The following MGAT4C variants were observed in gnomAD, a reference collection of about 807,000 sequenced individuals.
The protein encoded by MGAT4C is alpha-1,3-mannosyl-glycoprotein 4-beta-N-acetylglucosaminyltransferase C.
MGAT4C carries 19 observed loss-of-function variants against 40.1 expected under a neutral mutation model. That is an observed-to-expected ratio of 0.47 (90% CI 0.33 to 0.70). The LOEUF (loss-of-function observed/expected upper bound fraction) is 0.70. MGAT4C is among the 30% of genes least tolerant of loss of function. The probability of loss-of-function intolerance (pLI) is 0.02; values close to 1 mark genes in which losing one functional copy is unlikely to be tolerated. For synonymous variants in MGAT4C, 181 were observed against 187.1 expected, an observed-to-expected ratio of 0.97 and a Z score of 0.27; for missense variants, 491 against 563.2, an observed-to-expected ratio of 0.87 and a Z score of 1.30.
intron 1 of MGAT4C, among the ~76,000 whole-genome samples, chr12:86,753,799 A>G (rs1951260182): frequency 6.6e-6 from 1 of 152,102 alleles, no homozygotes; most frequent in South Asian, 2.1e-4. Flanking sequence ...TGCAAATTAA[A>G]CCACAGAGAG....
intron 2 of MGAT4C, among the ~76,000 whole-genome samples, chr12:86,535,748 T>C (rs893904651): frequency 2.6e-5 from 4 of 152,094 alleles, no homozygotes; most frequent in African/African-American, 9.6e-5. Flanking sequence ...AATACCTACA[T>C]AAATTGTTCC....
intron 1 of MGAT4C, among the ~76,000 whole-genome samples, chr12:86,119,749 A>C (rs1402330423): frequency 6.7e-6 from 1 of 148,542 alleles, no homozygotes; most frequent in Non-Finnish European, 1.5e-5. Context: ...TTTTAATAGA[A>C]ATAGGAGTCT....
At chr12:86,302,528 A>C (rs1037491431) in intron 4 of MGAT4C, among the ~76,000 whole-genome samples, 1 of 150,380 alleles carries the variant, frequency 6.6e-6, no homozygotes, top group Non-Finnish European at 1.5e-5. Flanking sequence ...TCCCGGGCTA[A>C]AGCGATTCTC....
At chr12:86,767,935 C>G (rs1951546391) in intron 1 of MGAT4C, among the ~76,000 whole-genome samples, 1 of 152,172 alleles carries the variant, frequency 6.6e-6, no homozygotes, top group South Asian at 2.1e-4. Context: ...AAACTGGAAG[C>G]ATTCCCTTTG....
chr12:86,403,630 G>T (rs563860792), intron 3 of MGAT4C, among the ~76,000 whole-genome samples: 7 of 151,954 alleles, frequency 4.6e-5, no homozygotes, highest in Non-Finnish European at 1.0e-4. Context: ...TGAAATTTTC[G>T]CTCTTTTAAG....
intron 2 of MGAT4C, among the ~76,000 whole-genome samples, chr12:86,009,089 A>G (rs1474996126): frequency 6.6e-6 from 1 of 152,132 alleles, no homozygotes; most frequent in Non-Finnish European, 1.5e-5. Context: ...TGCCAATCTC[A>G]GAGAAACCTT....
chr12:86,319,228 A>G (rs886578731), intron 4 of MGAT4C, among the ~76,000 whole-genome samples: 5 of 152,208 alleles, frequency 3.3e-5, no homozygotes, highest in African/African-American at 9.6e-5. Flanking sequence ...CAAATCATGC[A>G]TAATTTCATA....
chr12:86,572,811 C>T (rs982662062), intron 2 of MGAT4C, among the ~76,000 whole-genome samples: 2 of 152,012 alleles, frequency 1.3e-5, no homozygotes, highest in Non-Finnish European at 2.9e-5. Context: ...CTGAAGCACA[C>T]ATCAATTATC....
intron 1 of MGAT4C, among the ~76,000 whole-genome samples, chr12:86,169,780 A>T (rs1045028113): frequency 2.0e-5 from 3 of 152,160 alleles, no homozygotes; most frequent in African/African-American, 7.2e-5. Context: ...TTGAGGGGAA[A>T]ACTGGAGTAT....
intron 4 of MGAT4C, among the ~76,000 whole-genome samples, chr12:86,322,536 G>C (rs974956252): frequency 6.6e-6 from 1 of 151,814 alleles, no homozygotes; most frequent in African/African-American, 2.4e-5. Context: ...AGCCAATTCA[G>C]TATTATATTT....
At chr12:86,665,185 A>T (rs1000924242) in intron 2 of MGAT4C, among the ~76,000 whole-genome samples, 5 of 152,108 alleles carry the variant, frequency 3.3e-5, no homozygotes, top group Non-Finnish European at 7.4e-5. Context: ...AGCCCACAGC[A>T]TAAGTAGTGT....
intron 2 of MGAT4C, among the ~76,000 whole-genome samples, chr12:86,643,369 T>C (rs889028633): frequency 6.6e-5 from 10 of 151,780 alleles, no homozygotes; most frequent in African/African-American, 2.4e-4. Context: ...TGAAAACATA[T>C]GCAAACACAA....
rs139869300 is a variant in MGAT4C at position 86,798,606 on chromosome 12, T to C, written c.-262+40060A>G. On this transcript the variant is annotated intron_variant, in intron 1 of 7. Transcript: ENST00000548651. ...ATTCCATATTATTTATCAATCTTTG[T>C]CTTTGTATACAATTTTGCAGGTGCT... is the stretch of plus-strand genomic sequence containing the variant. 1.1e-4 allele frequency among the ~76,000 whole-genome samples: 16 copies of C among 152,102 alleles called. No individual in the cohort carries two copies. The East Asian group carries it at 3.1e-3, about 29-fold the overall frequency.
At position 86,661,177 on chromosome 12, in the gene MGAT4C, GA is replaced by G. The variant is rs1963971599; in HGVS notation, c.-229+66031del. ...CACAGTTGTGTTGATATTTATAAAG[GA>G]AAAAAATGTAAAGAAAACAAAAAGA... On this transcript the variant is annotated intron_variant, in intron 2 of 7. Transcript: ENST00000548651. Among the ~76,000 whole-genome samples the G allele has an allele frequency of 2.0e-5, 3 of 150,146 alleles. No homozygotes were observed. In the South Asian group the frequency reaches 6.3e-4, roughly 32 times the overall value.
At chr12:86,371,150 A>G (rs1462528627) in intron 3 of MGAT4C, among the ~76,000 whole-genome samples, 1 of 151,970 alleles carries the variant, frequency 6.6e-6, no homozygotes, top group Non-Finnish European at 1.5e-5. Context: ...AAATATTCGA[A>G]AATTCCTCTT....
chr12:86,813,264 A>T (rs1010940510), intron 1 of MGAT4C, among the ~76,000 whole-genome samples: 5 of 149,008 alleles, frequency 3.4e-5, no homozygotes, highest in African/African-American at 9.9e-5. Flanking sequence ...TTTTATCATT[A>T]TTTTTCCTTA....
At chr12:86,308,188 T>A (rs1352818760) in intron 4 of MGAT4C, among the ~76,000 whole-genome samples, 1 of 150,704 alleles carries the variant, frequency 6.6e-6, no homozygotes, top group Non-Finnish European at 1.5e-5. Flanking sequence ...GTATAATGTA[T>A]ATACAGGACT....
At chr12:86,591,776 A>T (rs1477045175) in intron 2 of MGAT4C, among the ~76,000 whole-genome samples, 1 of 151,726 alleles carries the variant, frequency 6.6e-6, no homozygotes, top group African/African-American at 2.4e-5. Context: ...AATTATATAA[A>T]AGCATTAATT....
chr12:86,758,685 C>T (rs957290381), intron 1 of MGAT4C, among the ~76,000 whole-genome samples: 7 of 151,664 alleles, frequency 4.6e-5, no homozygotes, highest in African/African-American at 1.7e-4. Flanking sequence ...GAGTCATGAA[C>T]AAAAAAGTTG....
Sources: gnomAD v4.1 joint callset for allele counts (sites outside exome capture counted in the v4.1 genomes callset) on GRCh38, gnomAD v4.1.1 for gene constraint, MANE v1.5 for transcripts, NCBI Gene and HGNC (gene_info 2026-07-23, HGNC 2026-07-21) for gene names.